Variants in H2BK1 observed in about 807,000 individuals in gnomAD.
H2BK1 encodes the protein H2B.K variant histone 1.
the H2BK1 span, chr7:151,207,847 C>A: frequency 1.2e-6 from 1 of 828,680 alleles, no homozygotes; most frequent in Non-Finnish European, 2.1e-6. Context: ...AACAGTTCAC[C>A]CTTTATTTTT....
At chr7:151,210,178 T>C in the H2BK1 span, 1 of 399,074 alleles carries the variant, frequency 2.5e-6, no homozygotes, top group Non-Finnish European at 4.4e-6. Flanking sequence ...ATCCTTGCTA[T>C]GCACTCACCT....
At chr7:151,207,976 G>A in the H2BK1 span, 1 of 1,459,488 alleles carries the variant, frequency 6.9e-7, no homozygotes, top group South Asian at 1.1e-5. Context: ...GGACTTCTCG[G>A]GATGTCAGGG....
At chr7:151,210,351 C>T in the H2BK1 span, 7 of 397,354 alleles carry the variant, frequency 1.8e-5, no homozygotes, top group African/African-American at 8.2e-5. Context: ...TCACCCACCC[C>T]CTTGGAGCTA....
At chr7:151,208,179 C>A in the H2BK1 span, 583 of 1,514,922 alleles carry the variant, frequency 3.8e-4, no homozygotes, top group Middle Eastern at 2.1e-3. Flanking sequence ...ACACTGCAAG[C>A]CTCAGCCCTG....
At chr7:151,207,927 TG>T in the H2BK1 span, 2 of 1,218,330 alleles carry the variant, frequency 1.6e-6, no homozygotes, top group Non-Finnish European at 2.4e-6. Flanking sequence ...ACAGCGTGCT[TG>T]GCCAGCTCCC....
chr7:151,208,862 T>C, the H2BK1 span, among the ~76,000 whole-genome samples: 9 of 152,330 alleles, frequency 5.9e-5, no homozygotes, highest in Admixed American at 3.9e-4. Context: ...TTCTAAAATG[T>C]GAGTAGGTAG....
chr7:151,208,358 C>T, the H2BK1 span, among the ~76,000 whole-genome samples: 79,567 of 152,108 alleles, frequency 0.52, 21,811 homozygotes, highest in African/African-American at 0.69. Context: ...CATGATTAAG[C>T]TCCTTGTATG....
chr7:151,210,022 G>A, the H2BK1 span, among the ~76,000 whole-genome samples: 1 of 152,178 alleles, frequency 6.6e-6, no homozygotes, highest in Non-Finnish European at 1.5e-5. Context: ...CCTGAGAGAG[G>A]TGGAGACCTC....
the H2BK1 span, among the ~76,000 whole-genome samples, chr7:151,209,702 C>G: frequency 9.2e-5 from 14 of 152,250 alleles, no homozygotes; most frequent in African/African-American, 3.4e-4. Context: ...CCCCATGGAG[C>G]CTTTAGGGGC....
At chr7:151,208,093 A>C in the H2BK1 span, 16 of 1,614,138 alleles carry the variant, frequency 9.9e-6, 2 homozygotes, top group South Asian at 1.2e-4. Flanking sequence ...CAGAGATGCC[A>C]ATGTCAGGGT....
At chr7:151,209,151 T>TCCCA in the H2BK1 span, among the ~76,000 whole-genome samples, 855 of 152,184 alleles carry the variant, frequency 5.6e-3, 7 homozygotes, top group Middle Eastern at 0.021. Context: ...ACAGGCCTTG[T>TCCCA]CCCACCCATC....
the H2BK1 span, among the ~76,000 whole-genome samples, chr7:151,209,843 T>C: frequency 1.3e-5 from 2 of 152,334 alleles, no homozygotes; most frequent in East Asian, 3.9e-4. Flanking sequence ...CAACACACTT[T>C]GTATCATAAT....
At chr7:151,209,946 C>T in the H2BK1 span, among the ~76,000 whole-genome samples, 16 of 152,200 alleles carry the variant, frequency 1.1e-4, no homozygotes, top group African/African-American at 3.1e-4. Flanking sequence ...ATCTCATCAT[C>T]GTTCCCGTAA....
the H2BK1 span, among the ~76,000 whole-genome samples, chr7:151,209,008 C>T: frequency 6.8e-6 from 1 of 146,404 alleles, no homozygotes; most frequent in Admixed American, 7.1e-5. Context: ...CTGCCAGCAG[C>T]AAATCTGCAC....
chr7:151,208,012 C>G, the H2BK1 span: 1 of 1,594,776 alleles, frequency 6.3e-7, no homozygotes, highest in South Asian at 1.1e-5. Context: ...ACTGGGCCAG[C>G]CGGGCAGCCT....
chr7:151,208,256 C>A, the H2BK1 span: 1 of 689,818 alleles, frequency 1.4e-6, no homozygotes, highest in Non-Finnish European at 2.5e-6. Flanking sequence ...TTCCCAGAGG[C>A]CAACAGTCAT....
At chr7:151,209,189 G>T in the H2BK1 span, among the ~76,000 whole-genome samples, 1 of 151,896 alleles carries the variant, frequency 6.6e-6, no homozygotes, top group Non-Finnish European at 1.5e-5. Flanking sequence ...CTCAAAGTCG[G>T]GCTAAGACAC....
the H2BK1 span, among the ~76,000 whole-genome samples, chr7:151,209,126 C>T: frequency 3.3e-5 from 5 of 152,142 alleles, no homozygotes; most frequent in Non-Finnish European, 7.3e-5. Context: ...CTCAGCAGCA[C>T]TCTCCTCTGT....
chr7:151,208,196 G>A, the H2BK1 span: 3 of 1,387,886 alleles, frequency 2.2e-6, no homozygotes, highest in Non-Finnish European at 3.0e-6. Flanking sequence ...CCTGAGCTGG[G>A]GGCTCTAGGA....
Sources: allele counts gnomAD v4.1 joint callset (sites outside exome capture counted in the v4.1 genomes callset), GRCh38; gene constraint gnomAD v4.1.1; transcripts MANE v1.5; gene names NCBI Gene and HGNC (gene_info 2026-07-23, HGNC 2026-07-21).